Variants in ZFHX3 observed in about 807,000 individuals in gnomAD.
ZFHX3 encodes the protein zinc finger homeobox 3.
A neutral mutation model predicts 279.1 loss-of-function variants in ZFHX3; 42 were observed. The ratio of observed to expected loss-of-function variants is 0.15; its 90% confidence interval spans 0.12 to 0.19. The LOEUF is 0.19. ZFHX3 is among the 10% of genes least tolerant of loss of function. The probability of loss-of-function intolerance (pLI) is 1.00; values close to 1 mark genes in which losing one functional copy is unlikely to be tolerated. For synonymous variants in ZFHX3, 2,293 were observed against 1,957.8 expected (o/e 1.17, Z -4.52); for missense variants, 4,981 against 4,754.0 (o/e 1.05, Z -1.40).
chr16:73,692,571 T>C (rs1281896866), intron 1 of ZFHX3, among the ~76,000 whole-genome samples: 1 of 152,244 alleles, frequency 6.6e-6, no homozygotes, highest in Non-Finnish European at 1.5e-5. Flanking sequence ...TATTTTTAAC[T>C]GCAAGAATTA....
At chr16:73,602,000 C>CA (rs1360024693) in intron 2 of ZFHX3, among the ~76,000 whole-genome samples, 1 of 152,216 alleles carries the variant, frequency 6.6e-6, no homozygotes, top group Admixed American at 6.5e-5. Context: ...GGTGCGGTGG[C>CA]ATATGCCTGT....
chr16:73,355,805 T>G (rs532214700), intron 3 of ZFHX3, among the ~76,000 whole-genome samples: 1 of 152,264 alleles, frequency 6.6e-6, no homozygotes, highest in Non-Finnish European at 1.5e-5. Flanking sequence ...GTGCTGCTGA[T>G]CTGTTCCAAC....
intron 3 of ZFHX3, among the ~76,000 whole-genome samples, chr16:73,444,845 T>A (rs1003766245): frequency 4.7e-5 from 7 of 147,802 alleles, no homozygotes; most frequent in African/African-American, 1.8e-4. Context: ...CATGGCCGGG[T>A]GCGGTGGCTC....
At chr16:73,155,883 A>G (rs768811882) in intron 5 of ZFHX3, among the ~76,000 whole-genome samples, 5 of 152,166 alleles carry the variant, frequency 3.3e-5, no homozygotes, top group Middle Eastern at 3.4e-3. Context: ...ACATGTCATT[A>G]TATATAGTAC....
intron 1 of ZFHX3, among the ~76,000 whole-genome samples, chr16:73,044,780 C>T (rs1965232584): frequency 6.6e-6 from 1 of 152,140 alleles, no homozygotes; most frequent in African/African-American, 2.4e-5. Flanking sequence ...CACCATCACA[C>T]TCGGCTAATT....
At chr16:73,073,765 C>T (rs1449362053) in intron 8 of ZFHX3, among the ~76,000 whole-genome samples, 1 of 152,224 alleles carries the variant, frequency 6.6e-6, no homozygotes, top group African/African-American at 2.4e-5. Flanking sequence ...TCCCAAAGTG[C>T]TGGGATTACA....
intron 4 of ZFHX3, among the ~76,000 whole-genome samples, chr16:73,298,172 G>C (rs1395580438): frequency 6.6e-6 from 1 of 151,316 alleles, no homozygotes; most frequent in South Asian, 2.1e-4. Flanking sequence ...GCCTGAGTGA[G>C]AGAGCAAGAC....
chr16:72,937,147 A>G (rs1960167458), intron 3 of ZFHX3, among the ~76,000 whole-genome samples: 1 of 152,142 alleles, frequency 6.6e-6, no homozygotes, highest in Non-Finnish European at 1.5e-5. Context: ...TCATTCTCAG[A>G]CATTCGAATG....
At chr16:73,242,942 G>C (rs1040969483) in intron 5 of ZFHX3, among the ~76,000 whole-genome samples, 1 of 152,230 alleles carries the variant, frequency 6.6e-6, no homozygotes, top group African/African-American at 2.4e-5. Flanking sequence ...ATTTGGGCAA[G>C]AAGTTATAAC....
chr16:73,318,554 T>A (rs2015505787), intron 3 of ZFHX3, among the ~76,000 whole-genome samples: 1 of 152,168 alleles, frequency 6.6e-6, no homozygotes. Flanking sequence ...TGGCTAATAA[T>A]GCTTCTGAGG....
At chr16:73,062,720 A>G (rs200304267), upstream of ZFHX3, among the ~76,000 whole-genome samples, 1 of 11,478 alleles carries the variant, frequency 8.7e-5, no homozygotes, top group East Asian at 0.01. Flanking sequence ...ACACAGAAGC[A>G]AAAAAAAAAA....
rs577132509 is a variant in ZFHX3 at position 73,585,401 on chromosome 16, C to T, written c.-1547+94779G>A. Among the ~76,000 whole-genome samples the T allele has an allele frequency of 4.9e-4, 75 of 152,218 alleles. 1 individual carries two copies. The South Asian group carries it at 0.013, about 26-fold the overall frequency. On this transcript the variant is annotated intron_variant, in intron 2 of 17. Coordinates refer to the ZFHX3 transcript ENST00000641206. ...ACTGCCCTCTGGCCTGCCAACAGAG[C>T]GAGACACCATCTCAAAAAACAAACA... is the stretch of plus-strand genomic sequence containing the variant.
chr16:72,943,591 T>G (rs1960518050), intron 3 of ZFHX3, among the ~76,000 whole-genome samples: 1 of 152,076 alleles, frequency 6.6e-6, no homozygotes, highest in Admixed American at 6.6e-5. Flanking sequence ...CCATCTACAT[T>G]AGAACAATGA....
chr16:73,607,898 T>A (rs1349382324), intron 2 of ZFHX3, among the ~76,000 whole-genome samples: 1 of 152,012 alleles, frequency 6.6e-6, no homozygotes, highest in Admixed American at 6.6e-5. Flanking sequence ...GGCAAAACCC[T>A]GTCACTTCAA....
At chr16:72,878,040 A>G (rs1267417560) in intron 4 of ZFHX3, among the ~76,000 whole-genome samples, 3 of 152,052 alleles carry the variant, frequency 2.0e-5, no homozygotes, top group African/African-American at 7.3e-5. Context: ...AAATGAAAAA[A>G]CTAGCCAGGT....
intron 8 of ZFHX3, among the ~76,000 whole-genome samples, chr16:73,079,067 C>A (rs913645058): frequency 2.0e-5 from 3 of 151,982 alleles, no homozygotes; most frequent in African/African-American, 4.8e-5. Context: ...CTATTATTTC[C>A]TTCCTTCTAT....
chr16:73,102,735 A>T (rs546691341), intron 7 of ZFHX3, among the ~76,000 whole-genome samples: 2 of 152,318 alleles, frequency 1.3e-5, no homozygotes, highest in South Asian at 4.1e-4. Context: ...ACGATCTTTG[A>T]TAAGTTCCTT....
At chr16:72,862,584 A>G (rs558887653) in intron 4 of ZFHX3, among the ~76,000 whole-genome samples, 2 of 152,202 alleles carry the variant, frequency 1.3e-5, no homozygotes, top group Non-Finnish European at 2.9e-5. Flanking sequence ...TCACAAAACA[A>G]TCAGTGAGAC....
At chr16:73,768,502 T>G (rs1393259705) in intron 1 of ZFHX3, among the ~76,000 whole-genome samples, 2 of 152,222 alleles carry the variant, frequency 1.3e-5, no homozygotes, top group Non-Finnish European at 2.9e-5. Context: ...AATCCTATAT[T>G]CTGTTTTAAG....
Sources: gnomAD v4.1 joint callset for allele counts (sites outside exome capture counted in the v4.1 genomes callset) on GRCh38, gnomAD v4.1.1 for gene constraint, MANE v1.5 for transcripts, NCBI Gene and HGNC (gene_info 2026-07-23, HGNC 2026-07-21) for gene names.